Variants in CACNA2D3 observed in about 807,000 individuals in gnomAD.
CACNA2D3 encodes calcium voltage-gated channel auxiliary subunit alpha2delta 3.
CACNA2D3 carries 60 observed loss-of-function variants against 160.6 expected under a neutral mutation model. The observed-to-expected ratio is 0.37, with a 90% CI of 0.30 to 0.46. CACNA2D3 has a LOEUF of 0.46. Among genes scored for constraint, CACNA2D3 ranks in the 20% least tolerant of loss-of-function variants. The pLI, the probability that CACNA2D3 is intolerant of heterozygous loss-of-function variation, is 1.00. For synonymous variants in CACNA2D3, 558 were observed against 492.9 expected, an observed-to-expected ratio of 1.13 and a Z score of -1.75; for missense variants, 1,205 against 1,365.0, an observed-to-expected ratio of 0.88 and a Z score of 1.85.
intron 3 of CACNA2D3, among the ~76,000 whole-genome samples, chr3:54,369,797 A>G (rs1698892057): frequency 6.6e-6 from 1 of 152,116 alleles, no homozygotes; most frequent in Non-Finnish European, 1.5e-5. Flanking sequence ...TTCAACCCTT[A>G]TATCCCTATA....
At chr3:54,149,879 ATCTGTCTCTC>A (rs1559863240) in intron 2 of CACNA2D3, among the ~76,000 whole-genome samples, 13 of 91,184 alleles carry the variant, frequency 1.4e-4, no homozygotes, top group Admixed American at 9.3e-4. Flanking sequence ...GTCCTGAAGT[ATCTGTCTCTC>A]TCTCTCTCTC....
At chr3:54,524,755 T>C (rs1244343799) in intron 5 of CACNA2D3, among the ~76,000 whole-genome samples, 1 of 152,144 alleles carries the variant, frequency 6.6e-6, no homozygotes, top group Non-Finnish European at 1.5e-5. Context: ...TTATCTTCAG[T>C]AACTTTTTTT....
At chr3:54,641,456 G>A (rs1320410222) in intron 10 of CACNA2D3, among the ~76,000 whole-genome samples, 1 of 152,178 alleles carries the variant, frequency 6.6e-6, no homozygotes, top group Non-Finnish European at 1.5e-5. Context: ...GCTTCAGAGA[G>A]AATAGATGGC....
intron 2 of CACNA2D3, among the ~76,000 whole-genome samples, chr3:54,174,507 A>G (rs551889793): frequency 2.8e-4 from 42 of 152,206 alleles, no homozygotes; most frequent in South Asian, 6.2e-4. Flanking sequence ...GGGTTATTAC[A>G]AAAGTAGAAT....
chr3:54,214,590 A>G (rs768586221), intron 2 of CACNA2D3, among the ~76,000 whole-genome samples: 4 of 152,164 alleles, frequency 2.6e-5, no homozygotes, highest in Non-Finnish European at 5.9e-5. Flanking sequence ...TGTAGATTGC[A>G]TGAGGAACTG....
rs565089465 is a variant in CACNA2D3 at position 54,692,348 on chromosome 3, C to T, written c.1167+50107C>T. ...CCTCCACTAAGAATTCCTTTTAAGT[C>T]ATGCCCCTTCAGGTCAGGAGAGCAT... On this transcript the variant is annotated intron_variant, in intron 11 of 37. Transcript: ENST00000474759. 1.2e-4 allele frequency among the ~76,000 whole-genome samples: 18 copies of T among 152,330 alleles called. No individual in the cohort carries two copies. In the South Asian group the frequency reaches 3.7e-3, roughly 32 times the overall value.
intron 5 of CACNA2D3, among the ~76,000 whole-genome samples, chr3:54,547,634 G>A (rs888300601): frequency 1.3e-5 from 2 of 149,018 alleles, no homozygotes; most frequent in East Asian, 4.0e-4. Flanking sequence ...AAGACATAGA[G>A]GATTTATTTA....
At chr3:54,648,854 G>T (rs979425958) in intron 11 of CACNA2D3, among the ~76,000 whole-genome samples, 3 of 152,120 alleles carry the variant, frequency 2.0e-5, no homozygotes, top group Non-Finnish European at 2.9e-5. Flanking sequence ...GTAGGGCCAG[G>T]CTGTTTTTAG....
chr3:54,706,931 T>C (rs968611388), intron 11 of CACNA2D3, among the ~76,000 whole-genome samples: 12 of 152,232 alleles, frequency 7.9e-5, no homozygotes, highest in African/African-American at 2.7e-4. Context: ...CCTCTGTTTC[T>C]GGCTTCTCCA....
At chr3:54,977,806 A>G (rs1352850575) in intron 29 of CACNA2D3, among the ~76,000 whole-genome samples, 1 of 152,226 alleles carries the variant, frequency 6.6e-6, no homozygotes, top group African/African-American at 2.4e-5. Context: ...GAAAGAATTC[A>G]TGGAAAGTCC....
At chr3:54,786,544 A>C (rs1702645699) in intron 13 of CACNA2D3, among the ~76,000 whole-genome samples, 1 of 152,192 alleles carries the variant, frequency 6.6e-6, no homozygotes, top group South Asian at 2.1e-4. Flanking sequence ...TAAGCATCCC[A>C]GGACTGAATC....
At chr3:54,580,412 G>A (rs1436058021) in intron 8 of CACNA2D3, among the ~76,000 whole-genome samples, 1 of 151,934 alleles carries the variant, frequency 6.6e-6, no homozygotes, top group African/African-American at 2.4e-5. Context: ...TCCCAAACTC[G>A]TATCTTTATT....
rs1703054742 is a variant in CACNA2D3, at chr3:55,004,757, C to T, written c.2691-6C>T. ...AGTGAAGCTCCCTTCCATTTCTTTC[C>T]TGTAGAATTACCCTTTATGACTACC... On this transcript the variant is annotated splice_polypyrimidine_tract_variant and splice_region_variant and intron_variant, in intron 31 of 37. Coordinates refer to ENST00000474759, the MANE Select transcript of CACNA2D3 (RefSeq NM_018398.3). The T allele has an allele frequency of 6.2e-7, 1 of 1,608,800 alleles. No individual in the cohort carries two copies. The highest frequency in any genetic ancestry group is 8.5e-7 in the Non-Finnish European group (1 of 1,175,720).
At chr3:54,193,323 C>T (rs1192582511) in intron 2 of CACNA2D3, among the ~76,000 whole-genome samples, 1 of 152,142 alleles carries the variant, frequency 6.6e-6, no homozygotes, top group African/African-American at 2.4e-5. Context: ...ACTCAGTAAA[C>T]AAAAGCAGGC....
chr3:54,988,665 C>A (rs1294245396), intron 31 of CACNA2D3, among the ~76,000 whole-genome samples: 1 of 152,228 alleles, frequency 6.6e-6, no homozygotes, highest in Non-Finnish European at 1.5e-5. Flanking sequence ...TACTCTTCTG[C>A]GGCTGAATGG....
At chr3:54,138,456 T>C (rs1233644378) in intron 2 of CACNA2D3, among the ~76,000 whole-genome samples, 5 of 152,206 alleles carry the variant, frequency 3.3e-5, no homozygotes, top group African/African-American at 9.7e-5. Flanking sequence ...TGCAGTGTTT[T>C]TGCATCTCTG....
At chr3:54,168,352 T>C (rs1018685346) in intron 2 of CACNA2D3, among the ~76,000 whole-genome samples, 10 of 152,366 alleles carry the variant, frequency 6.6e-5, no homozygotes, top group Non-Finnish European at 1.3e-4. Flanking sequence ...TGGTAATTCC[T>C]GCAAAAATAT....
intron 9 of CACNA2D3, among the ~76,000 whole-genome samples, chr3:54,603,938 C>T (rs1703112140): frequency 6.6e-6 from 1 of 152,012 alleles, no homozygotes; most frequent in Admixed American, 6.6e-5. Context: ...TTGGGATAGC[C>T]CTTACAGACC....
At chr3:54,598,951 C>G (rs928173947) in intron 9 of CACNA2D3, among the ~76,000 whole-genome samples, 1 of 152,076 alleles carries the variant, frequency 6.6e-6, no homozygotes, top group East Asian at 1.9e-4. Context: ...CATCTAATGT[C>G]CAAAGAATTC....
Sources: allele counts gnomAD v4.1 joint callset (sites outside exome capture counted in the v4.1 genomes callset), GRCh38; gene constraint gnomAD v4.1.1; transcripts MANE v1.5; gene names NCBI Gene and HGNC (gene_info 2026-07-23, HGNC 2026-07-21).